CYP2C18: variants seen among roughly 807,000 people sequenced by gnomAD.
CYP2C18 encodes the protein cytochrome P450 2C18.
In CYP2C18, 38 loss-of-function variants were observed where a neutral mutation model predicts 41.3. The observed-to-expected ratio is 0.92, with a 90% CI of 0.71 to 1.21. The LOEUF is 1.21. Among genes scored for constraint, CYP2C18 ranks in the 50% most tolerant of loss-of-function variants. The probability of loss-of-function intolerance (pLI) is 0.00; values close to 1 mark genes in which losing one functional copy is unlikely to be tolerated. For synonymous variants in CYP2C18, 236 were observed against 210.0 expected, an observed-to-expected ratio of 1.12 and a Z score of -1.07; for missense variants, 635 against 591.4, an observed-to-expected ratio of 1.07 and a Z score of -0.77.
At chr10:94,710,046 C>T (rs1847409915) in intron 5 of CYP2C18, among the ~76,000 whole-genome samples, 1 of 151,912 alleles carries the variant, frequency 6.6e-6, no homozygotes, top group South Asian at 2.1e-4. Flanking sequence ...ATGGTGTGAT[C>T]TTGGCCTCTA....
intron 5 of CYP2C18, 133 bp from the exon 6 acceptor site, chr10:94,720,263 G>C (rs1847625070): frequency 1.5e-6 from 1 of 678,126 alleles, no homozygotes; most frequent in African/African-American, 1.8e-5. Flanking sequence ...TGCAATTGTT[G>C]TAGTTTTAAT....
intron 7 of CYP2C18, among the ~76,000 whole-genome samples, chr10:94,726,315 A>G (rs999288319): frequency 3.3e-5 from 5 of 152,078 alleles, no homozygotes; most frequent in Non-Finnish European, 7.4e-5. Flanking sequence ...TGTCACCTAC[A>G]TTAGGTATTT....
intron 7 of CYP2C18, among the ~76,000 whole-genome samples, chr10:94,730,451 A>G (rs571292756): frequency 6.6e-6 from 1 of 152,340 alleles, no homozygotes; most frequent in South Asian, 2.1e-4. Flanking sequence ...TTTGATAAAT[A>G]CATCCAGAAC....
intron 5 of CYP2C18, among the ~76,000 whole-genome samples, chr10:94,709,774 G>T (rs1456738557): frequency 6.6e-5 from 10 of 152,076 alleles, no homozygotes; most frequent in Admixed American, 6.6e-4. Context: ...GTCAATTTTT[G>T]ATTATAGTGT....
chr10:94,730,309 G>A (rs1847806138), intron 7 of CYP2C18, among the ~76,000 whole-genome samples: 1 of 152,052 alleles, frequency 6.6e-6, no homozygotes, highest in South Asian at 2.1e-4. Flanking sequence ...TCCAAATAAT[G>A]TTTTTTAAAA....
In CYP2C18 at chr10:94,733,355, A is replaced by G; in HGVS notation, c.1208A>G (p.Asn403Ser). 1 of 1,613,412 alleles carries G rather than the reference A, an allele frequency of 6.2e-7. No homozygotes were observed. The highest frequency in any genetic ancestry group is 2.2e-5 in the East Asian group (1 of 44,836). ...SVLHNDKEFP[N>S]PEMFDPGHFL... is the part of the protein sequence containing the mutation. ...CTGCACAATGACAAAGAATTCCCCA[A>G]CCCAGAGATGTTTGACCCTGGCCAC... The change falls in exon 8 of 9, where the codon AAC (asparagine) becomes AGC (serine). Residue 403 changes from asparagine to serine, a missense_variant. Physicochemically the swap from Asn to Ser is conservative, Grantham distance 46. Coordinates refer to ENST00000285979, the MANE Select transcript of CYP2C18 (RefSeq NM_000772.3).
intron 5 of CYP2C18, among the ~76,000 whole-genome samples, chr10:94,711,249 T>C: frequency 6.6e-6 from 1 of 152,138 alleles, no homozygotes; most frequent in Non-Finnish European, 1.5e-5. Context: ...GTTTACTAGA[T>C]CAAGTTGACT....
At chr10:94,689,370 GAA>G (rs72470409) in intron 3 of CYP2C18, among the ~76,000 whole-genome samples, 38,684 of 151,412 alleles carry the variant, frequency 0.26, 5,186 homozygotes, top group South Asian at 0.45. Context: ...ATATTTTTAT[GAA>G]ATCTTCAACA....
rs1847223636 is a variant in CYP2C18, at chr10:94,700,760, C to T, written c.642+5683C>T. 5.9e-5 allele frequency among the ~76,000 whole-genome samples: 9 copies of T among 152,084 alleles called. No homozygotes were observed. In the South Asian group the frequency reaches 1.9e-3, roughly 31 times the overall value. ...GCTAATATCCAGAATCTACAATGAA[C>T]TCAAACTAATTTACAAGAAAAAAAG... On this transcript the variant is annotated intron_variant, in intron 4 of 8. Coordinates refer to ENST00000285979, the MANE Select transcript of CYP2C18 (RefSeq NM_000772.3).
chr10:94,733,610 C>T (rs1317514656), intron 8 of CYP2C18, 172 bp downstream of exon 8: 1 of 984,736 alleles, frequency 1.0e-6, no homozygotes, highest in South Asian at 4.7e-5. Flanking sequence ...CATTATTGGG[C>T]CAGGTTAGTG....
intron 5 of CYP2C18, among the ~76,000 whole-genome samples, chr10:94,710,816 A>G (rs747064549): frequency 6.6e-6 from 1 of 152,186 alleles, no homozygotes; most frequent in Non-Finnish European, 1.5e-5. Flanking sequence ...TGATTACATA[A>G]TATTAGGCAT....
intron 3 of CYP2C18, among the ~76,000 whole-genome samples, chr10:94,691,816 C>T (rs952135911): frequency 6.6e-6 from 1 of 152,056 alleles, no homozygotes; most frequent in African/African-American, 2.4e-5. Context: ...GTACTGGTAC[C>T]AAAACAGAGA....
chr10:94,712,401 G>C (rs113472728), intron 5 of CYP2C18, among the ~76,000 whole-genome samples: 1 of 150,932 alleles, frequency 6.6e-6, no homozygotes, highest in African/African-American at 2.4e-5. Context: ...CTATGAGTTC[G>C]GTTGTTTTAG....
intron 5 of CYP2C18, among the ~76,000 whole-genome samples, chr10:94,716,560 TTC>T (rs1369446189): frequency 6.6e-6 from 1 of 152,170 alleles, no homozygotes; most frequent in Non-Finnish European, 1.5e-5. Flanking sequence ...TTGTTATAAT[TTC>T]TGTTTTTTTA....
intron 5 of CYP2C18, among the ~76,000 whole-genome samples, chr10:94,716,609 T>A (rs1313343208): frequency 2.0e-5 from 3 of 152,190 alleles, no homozygotes; most frequent in Non-Finnish European, 4.4e-5. Flanking sequence ...AACTATGTGG[T>A]CAGTTTTGGA....
rs550737780 is a variant in CYP2C18, at chr10:94,694,795, G to A, written c.482-122G>A. On this transcript the variant is annotated intron_variant, in intron 3 of 8. Transcript: ENST00000285979. ...ATTTCAATATGCTGTAGTTTGTGTT[G>A]ATAAGAGAATTTCTAGGTAGGTATT... 10 of 1,086,936 alleles carry A rather than the reference G, an allele frequency of 9.2e-6. No individual in the cohort carries two copies. The African/African-American group carries it at 1.4e-4, about 16-fold the overall frequency. 67.3% of individuals were successfully genotyped at this position (1,086,936 alleles called of 1,614,324 possible). A position where few individuals can be genotyped will look rare whatever the true frequency, so the allele number is the denominator to read the frequency against.
rs553700402 is a variant in CYP2C18, at chr10:94,712,323, C to T, written c.819+5363C>T. Among the ~76,000 whole-genome samples, 13 of 151,772 alleles carry T rather than the reference C, an allele frequency of 8.6e-5. No individual in the cohort carries two copies. The South Asian group carries it at 2.5e-3, about 29-fold the overall frequency. ...TCCTCCATTCTAACAGGCTTTATAC[C>T]CTTTGACTATCATCTCCCCCTTTCC... On this transcript the variant is annotated intron_variant, in intron 5 of 8. Transcript: ENST00000285979.
rs774726291 is a variant in CYP2C18 at position 94,695,085 on chromosome 10, C to T, written c.642+8C>T. The T allele has an allele frequency of 1.3e-6, 2 of 1,592,746 alleles. No individual in the cohort carries two copies. The highest frequency in any genetic ancestry group is 1.9e-5 in the Admixed American group (1 of 53,630). ...AGCTCTCCATGGATCCAGGTGAGAT[C>T]AAGAGCTTCTCTTCCTGAGATATTA... On this transcript the variant is annotated splice_region_variant and intron_variant, in intron 4 of 8. Transcript: ENST00000285979.
intron 6 of CYP2C18, 122 bp downstream of exon 6, chr10:94,720,659 C>A: frequency 1.0e-6 from 1 of 990,544 alleles, no homozygotes; most frequent in Non-Finnish European, 1.5e-6. Context: ...GTGCCATTGG[C>A]TCTAAGTTGT....
Sources: allele counts gnomAD v4.1 joint callset (sites outside exome capture counted in the v4.1 genomes callset), GRCh38; gene constraint gnomAD v4.1.1; transcripts MANE v1.5; gene names NCBI Gene and HGNC (gene_info 2026-07-23, HGNC 2026-07-21).